TMC1: variants seen among roughly 807,000 people sequenced by gnomAD.
TMC1 encodes the protein transmembrane channel-like protein 1.
In TMC1, 84 loss-of-function variants were observed where a neutral mutation model predicts 105.8. That is an observed-to-expected ratio of 0.79 (90% CI 0.67 to 0.95). TMC1 has a LOEUF of 0.95. TMC1 is among the 40% of genes least tolerant of loss of function. TMC1 has a pLI of 0.00. For missense variants in TMC1, 817 were observed against 914.1 expected (o/e 0.89, Z 1.37); for synonymous variants, 315 against 311.5 (o/e 1.01, Z -0.12).
intron 5 of TMC1, among the ~76,000 whole-genome samples, chr9:72,661,385 A>G (rs1219742834): frequency 6.6e-6 from 1 of 152,220 alleles, no homozygotes; most frequent in Non-Finnish European, 1.5e-5. Context: ...CTTTAAGTCC[A>G]CATCTAAACT....
intron 8 of TMC1, among the ~76,000 whole-genome samples, chr9:72,730,196 G>GTC (rs1827187183): frequency 6.6e-6 from 1 of 152,204 alleles, no homozygotes. Flanking sequence ...AGACAGAAAG[G>GTC]TAGAGAAGGT....
Position 72,561,035 on chromosome 9 carries a change from C to T in TMC1, c.-427-16867C>T, listed in dbSNP as rs537460687. On this transcript the variant is annotated intron_variant, in intron 1 of 23. Transcript: ENST00000297784. ...TTGGACAATTAAAGAGAGAAAAGGC[C>T]GGGCGCGGTGGCCCATGCCTGTAAT... Among the ~76,000 whole-genome samples, 12 of 151,862 alleles carry T rather than the reference C, an allele frequency of 7.9e-5. 1 individual carries two copies. The South Asian group carries it at 1.9e-3, about 24-fold the overall frequency.
chr9:72,568,316 C>T (rs1347262223), intron 1 of TMC1, among the ~76,000 whole-genome samples: 1 of 152,138 alleles, frequency 6.6e-6, no homozygotes, highest in Non-Finnish European at 1.5e-5. Flanking sequence ...AAACCCTATT[C>T]TAAAATGTTT....
At chr9:72,830,730 TTTTC>T (rs777484773) in intron 23 of TMC1, 48 bp downstream of exon 23, 26 of 1,519,272 alleles carry the variant, frequency 1.7e-5, no homozygotes, top group Admixed American at 7.8e-5. Flanking sequence ...TTCTTTTTCT[TTTTC>T]TTTCTTTTTT....
intron 4 of TMC1, among the ~76,000 whole-genome samples, chr9:72,630,213 C>T (rs1825425623): frequency 6.6e-6 from 1 of 151,960 alleles, no homozygotes; most frequent in Admixed American, 6.6e-5. Flanking sequence ...ATAATATTTT[C>T]CCAAAGAAGA....
intron 7 of TMC1, among the ~76,000 whole-genome samples, chr9:72,699,743 G>T (rs1177084791): frequency 6.6e-6 from 1 of 151,980 alleles, no homozygotes; most frequent in Non-Finnish European, 1.5e-5. Context: ...GATCACCTGA[G>T]GTCAGAAGTT....
At chr9:72,612,309 T>A (rs1267589163) in intron 2 of TMC1, among the ~76,000 whole-genome samples, 1 of 152,134 alleles carries the variant, frequency 6.6e-6, no homozygotes, top group Non-Finnish European at 1.5e-5. Context: ...TAGCTGGGAC[T>A]ACAGGTGTGC....
chr9:72,538,630 G>A (rs910963574), intron 1 of TMC1, among the ~76,000 whole-genome samples: 1 of 152,000 alleles, frequency 6.6e-6, no homozygotes, highest in Admixed American at 6.6e-5. Context: ...GTAGAGATGG[G>A]GTTTCACCAT....
chr9:72,687,466 A>G (rs1022015148), intron 5 of TMC1, among the ~76,000 whole-genome samples: 1 of 152,190 alleles, frequency 6.6e-6, no homozygotes, highest in African/African-American at 2.4e-5. Context: ...CAGTAGTGAC[A>G]TAAAGATCTT....
chr9:72,672,272 T>C (rs1042074252), intron 5 of TMC1, among the ~76,000 whole-genome samples: 1 of 150,740 alleles, frequency 6.6e-6, no homozygotes, highest in Non-Finnish European at 1.5e-5. Flanking sequence ...CTTTTTTTAT[T>C]GTCTCGCTGA....
intron 5 of TMC1, among the ~76,000 whole-genome samples, chr9:72,671,443 G>A (rs1386817328): frequency 6.6e-6 from 1 of 152,106 alleles, no homozygotes; most frequent in Non-Finnish European, 1.5e-5. Flanking sequence ...ACATTTTGGG[G>A]TAGTATATCT....
At chr9:72,535,474 G>A (rs1294843681) in intron 1 of TMC1, among the ~76,000 whole-genome samples, 1 of 150,476 alleles carries the variant, frequency 6.6e-6, no homozygotes, top group Non-Finnish European at 1.5e-5. Flanking sequence ...AACCATATCA[G>A]GGGAGGATAT....
chr9:72,674,221 A>G (rs1217752789), intron 5 of TMC1, among the ~76,000 whole-genome samples: 1 of 152,212 alleles, frequency 6.6e-6, no homozygotes, highest in East Asian at 1.9e-4. Context: ...ATTGGTCTAT[A>G]ATTCAACAGA....
intron 8 of TMC1, among the ~76,000 whole-genome samples, chr9:72,738,287 A>T (rs937350121): frequency 5.9e-5 from 9 of 152,112 alleles, no homozygotes; most frequent in Admixed American, 1.3e-4. Flanking sequence ...GTGAGTAATG[A>T]GGCCCCACTC....
At chr9:72,603,414 C>T (rs1824853142) in intron 2 of TMC1, among the ~76,000 whole-genome samples, 1 of 132,474 alleles carries the variant, frequency 7.5e-6, no homozygotes, top group African/African-American at 2.5e-5. Context: ...CACACACACA[C>T]ACACACACCA....
chr9:72,653,721 C>G (rs1034298610), intron 5 of TMC1, among the ~76,000 whole-genome samples: 2 of 152,120 alleles, frequency 1.3e-5, no homozygotes, highest in African/African-American at 2.4e-5. Flanking sequence ...TCCGCCGCCT[C>G]AAAATGTTTC....
At chr9:72,747,649 C>A (rs1827512234) in intron 10 of TMC1, among the ~76,000 whole-genome samples, 1 of 152,122 alleles carries the variant, frequency 6.6e-6, no homozygotes, top group Non-Finnish European at 1.5e-5. Context: ...GGCTGGAGTG[C>A]AGTGGCGCAA....
chr9:72,782,433 C>A (rs553999928), intron 13 of TMC1, among the ~76,000 whole-genome samples: 1 of 152,238 alleles, frequency 6.6e-6, no homozygotes, highest in East Asian at 1.9e-4. Flanking sequence ...TATTCTTATT[C>A]AACATAGTAC....
At chr9:72,666,948 C>T (rs1293908847) in intron 5 of TMC1, among the ~76,000 whole-genome samples, 3 of 151,838 alleles carry the variant, frequency 2.0e-5, no homozygotes, top group African/African-American at 7.3e-5. Flanking sequence ...CACATGGTGG[C>T]GTGTGCCTGT....
Sources: gnomAD v4.1 joint callset for allele counts (sites outside exome capture counted in the v4.1 genomes callset) on GRCh38, gnomAD v4.1.1 for gene constraint, MANE v1.5 for transcripts, NCBI Gene and HGNC (gene_info 2026-07-23, HGNC 2026-07-21) for gene names.